Variants in MARCHF2 observed in about 807,000 individuals in gnomAD.
MARCHF2 encodes the protein E3 ubiquitin-protein ligase MARCHF2.
MARCHF2 carries 22 observed loss-of-function variants against 24.0 expected under a neutral mutation model. The observed-to-expected ratio is 0.92, with a 90% CI of 0.66 to 1.31. The LOEUF (loss-of-function observed/expected upper bound fraction) is 1.31. Ranked by LOEUF, MARCHF2 falls within the 50% of genes most tolerant of loss-of-function variation. The probability of loss-of-function intolerance (pLI) is 0.00; values close to 1 mark genes in which losing one functional copy is unlikely to be tolerated. For missense variants in MARCHF2, 301 were observed against 335.3 expected, an observed-to-expected ratio of 0.90 and a Z score of 0.80; for synonymous variants, 154 against 153.0, an observed-to-expected ratio of 1.01 and a Z score of -0.05.
At chr19:8,428,510 TGTG>T (rs1439564478) in intron 3 of MARCHF2, among the ~76,000 whole-genome samples, 2 of 139,316 alleles carry the variant, frequency 1.4e-5, no homozygotes, top group African/African-American at 5.4e-5. Context: ...AAAAGCTAGG[TGTG>T]GTGGCGCATG....
intron 1 of MARCHF2, among the ~76,000 whole-genome samples, chr19:8,417,060 GT>G (rs1016886728): frequency 1.6e-3 from 232 of 146,796 alleles, no homozygotes; most frequent in African/African-American, 5.0e-3. Context: ...TTTACCTGTG[GT>G]TTTTTTTTTT....
rs1250249591 is a variant in MARCHF2 at position 8,438,759 on chromosome 19, G to T, written c.*213G>T. The T allele has an allele frequency of 4.3e-5, 23 of 535,674 alleles. No homozygotes were observed. In the Admixed American group the frequency reaches 7.4e-4, roughly 17 times the overall value. 33.2% of individuals were successfully genotyped at this position (535,674 alleles called of 1,614,324 possible). A position where few individuals can be genotyped will look rare whatever the true frequency, so the allele number is the denominator to read the frequency against. Reference sequence around the variant, plus strand: ...TTTTTTTTTTTTTTTGCATATGGAGGACAGGTGGACATGGTCCTGAGCTCT... The same window carrying T: ...TTTTTTTTTTTTTTTGCATATGGAGTACAGGTGGACATGGTCCTGAGCTCT... On this transcript the variant is annotated 3_prime_UTR_variant, in exon 5 of 5. Transcript: ENST00000215555.
At chr19:8,431,582 A>C (rs1294777145) in intron 4 of MARCHF2, among the ~76,000 whole-genome samples, 1 of 152,000 alleles carries the variant, frequency 6.6e-6, no homozygotes, top group African/African-American at 2.4e-5. Flanking sequence ...TACTCCTTTA[A>C]TCCCAGCACT....
chr19:8,416,672 T>C (rs1156285756), intron 1 of MARCHF2, among the ~76,000 whole-genome samples: 1 of 152,090 alleles, frequency 6.6e-6, no homozygotes, highest in East Asian at 1.9e-4. Context: ...GTGCAAGCGA[T>C]TCTCCCACCT....
At chr19:8,414,528 C>T (rs951721030) in intron 1 of MARCHF2, among the ~76,000 whole-genome samples, 1 of 152,118 alleles carries the variant, frequency 6.6e-6, no homozygotes, top group African/African-American at 2.4e-5. Flanking sequence ...CTTGAACTCC[C>T]AAAGTGCACA....
In MARCHF2 at chr19:8,426,655, T is replaced by C. The variant is rs1213357094; in HGVS notation, c.223T>C (p.Cys75Arg). The part of the protein sequence containing the change: ...RICHEGANGE[C>R]LLSPCGCTGT... Reference sequence around the variant, plus strand: ...CTGCCATGAGGGAGCGAACGGGGAGTGCTTGCTGTCCCCGTGTGGCTGCAC... The same window carrying C: ...CTGCCATGAGGGAGCGAACGGGGAGCGCTTGCTGTCCCCGTGTGGCTGCAC... Residue 75 changes from cysteine (C) to arginine (R), a missense_variant, in exon 3 of 5, where the codon TGC becomes CGC. Coordinates refer to ENST00000215555, the MANE Select transcript of MARCHF2 (RefSeq NM_001005415.2). 11 of 1,613,408 alleles carry C rather than the reference T, an allele frequency of 6.8e-6. No homozygotes were observed. In the East Asian group the frequency reaches 2.0e-4, roughly 29 times the overall value.
chr19:8,428,682 A>C (rs1195356166), intron 3 of MARCHF2, among the ~76,000 whole-genome samples: 1 of 134,906 alleles, frequency 7.4e-6, no homozygotes, highest in Non-Finnish European at 1.6e-5. Flanking sequence ...AAAAAAAAAA[A>C]ACCAAGGCTG....
At position 8,438,828 on chromosome 19, in the gene MARCHF2, A is replaced by G. The variant is rs1468857645; in HGVS notation, c.*282A>G. On this transcript the variant is annotated 3_prime_UTR_variant, in exon 5 of 5. Coordinates refer to ENST00000215555, the MANE Select transcript of MARCHF2 (RefSeq NM_001005415.2). ...GATCTCATTCTGAGGTCCACATGGC[A>G]CCTTCTGGGCCAGCAGCTGTGGCCG... 6.5e-6 allele frequency: 2 copies of G among 306,544 alleles called. No homozygotes were observed. The highest frequency in any genetic ancestry group is 4.4e-5 in the African/African-American group (2 of 45,458). 19.0% of individuals were successfully genotyped at this position (306,544 alleles called of 1,614,324 possible).
At chr19:8,415,411 A>G (rs114639144) in intron 1 of MARCHF2, among the ~76,000 whole-genome samples, 4,100 of 149,770 alleles carry the variant, frequency 0.027, 202 homozygotes, top group African/African-American at 0.095. Context: ...AAAAAAAAAA[A>G]ACAGACAAAA....
Position 8,430,882 on chromosome 19 carries a change from T to C in MARCHF2, c.582+15T>C. The C allele has an allele frequency of 6.4e-7, 1 of 1,568,846 alleles. No individual in the cohort carries two copies. Among genetic ancestry groups the C allele is most frequent in the Non-Finnish European group, 8.6e-7 (1 of 1,158,714 alleles). On this transcript the variant is annotated intron_variant, in intron 4 of 4. Coordinates refer to ENST00000215555, the MANE Select transcript of MARCHF2 (RefSeq NM_001005415.2). The surrounding 1 kb of genome is among the most constrained non-coding windows in gnomAD (Gnocchi z 4.4). ...TCTGGACGCTGGTGAGTGGCTGTGG[T>C]TGTGCAGCACGCGTCTCGAGCTCTG... is the stretch of plus-strand genomic sequence containing the variant.
chr19:8,415,736 A>AAAC (rs1967065226), intron 1 of MARCHF2, among the ~76,000 whole-genome samples: 2 of 71,332 alleles, frequency 2.8e-5, no homozygotes, highest in Non-Finnish European at 3.0e-5. Context: ...AAAAAAAAAC[A>AAAC]AAAAAAACAA....
chr19:8,436,781 C>G (rs1227083014), intron 4 of MARCHF2, among the ~76,000 whole-genome samples: 3 of 150,166 alleles, frequency 2.0e-5, no homozygotes, highest in Non-Finnish European at 4.4e-5. Context: ...ACCCCTCCCC[C>G]ACAGGTTCAA....
In MARCHF2 at chr19:8,426,642, A is replaced by C; in HGVS notation, c.210A>C (p.Gly70=). The C allele has an allele frequency of 6.2e-7, 1 of 1,613,944 alleles. No homozygotes were observed. The highest frequency in any genetic ancestry group is 8.5e-7 in the Non-Finnish European group (1 of 1,179,978). ...DGPFCRICHE[G]ANGECLLSPC... ...CTTTCTGCCGGATCTGCCATGAGGGAGCGAACGGGGAGTGCTTGCTGTCCC... is the reference window on the plus strand; with the variant it reads ...CTTTCTGCCGGATCTGCCATGAGGGCGCGAACGGGGAGTGCTTGCTGTCCC... The change falls in exon 3 of 5, where the codon GGA becomes GGC. Residue 70 remains glycine (G), a synonymous_variant. Transcript: ENST00000215555.
rs552144810 is a variant in MARCHF2, at chr19:8,434,746, G to A, written c.583-3642G>A. On this transcript the variant is annotated intron_variant, in intron 4 of 4. Coordinates refer to ENST00000215555, the MANE Select transcript of MARCHF2 (RefSeq NM_001005415.2). The stretch of plus-strand genomic sequence containing the variant: ...TATTTAGCCGGAGTCTCACTGTGTC[G>A]CCCAGGCCAGAGTGCAATGGTGCAA... Among the ~76,000 whole-genome samples the A allele has an allele frequency of 9.2e-5, 14 of 151,858 alleles. No individual in the cohort carries two copies. The East Asian group carries it at 1.9e-3, about 21-fold the overall frequency.
At chr19:8,428,901 C>G (rs1967496349) in intron 3 of MARCHF2, among the ~76,000 whole-genome samples, 1 of 151,986 alleles carries the variant, frequency 6.6e-6, no homozygotes, top group Non-Finnish European at 1.5e-5. Flanking sequence ...CACCACAGCA[C>G]TCCAGCCTGG....
chr19:8,422,350 C>T (rs1400135969), intron 2 of MARCHF2, among the ~76,000 whole-genome samples: 3 of 152,040 alleles, frequency 2.0e-5, no homozygotes, highest in African/African-American at 7.2e-5. Context: ...GTGGACACCT[C>T]TCTCTCTCCC....
At chr19:8,419,815 C>CAAA (rs372543513) in intron 1 of MARCHF2, among the ~76,000 whole-genome samples, 1 of 117,478 alleles carries the variant, frequency 8.5e-6, no homozygotes, top group African/African-American at 3.4e-5. Flanking sequence ...GACTCCGTCT[C>CAAA]AAAAAAAAAA....
At chr19:8,414,640 C>T (rs1373473762) in intron 1 of MARCHF2, among the ~76,000 whole-genome samples, 3 of 152,140 alleles carry the variant, frequency 2.0e-5, no homozygotes, top group South Asian at 4.1e-4. Context: ...TGCCTGAGAC[C>T]ACAATGTAGG....
chr19:8,414,767 A>T (rs1463802655), intron 1 of MARCHF2, among the ~76,000 whole-genome samples: 1 of 152,188 alleles, frequency 6.6e-6, no homozygotes, highest in Non-Finnish European at 1.5e-5. Context: ...AGCCTAGCTA[A>T]GGGTGAGCTT....
Sources: allele counts gnomAD v4.1 joint callset (sites outside exome capture counted in the v4.1 genomes callset), GRCh38; gene constraint gnomAD v4.1.1; non-coding constraint Gnocchi (gnomAD v3.1); transcripts MANE v1.5; gene names NCBI Gene and HGNC (gene_info 2026-07-23, HGNC 2026-07-21).